PLCH1: variants seen among roughly 807,000 people sequenced by gnomAD.
The protein encoded by PLCH1 is 1-phosphatidylinositol 4,5-bisphosphate phosphodiesterase eta-1.
A neutral mutation model predicts 126.7 loss-of-function variants in PLCH1; 60 were observed. The ratio of observed to expected loss-of-function variants is 0.47; its 90% CI spans 0.38 to 0.59. The LOEUF is 0.59. PLCH1 is among the 20% of genes least tolerant of loss of function. The pLI is 0.00. For missense variants in PLCH1, 1,723 were observed against 2,040.0 expected (o/e 0.84, Z 2.99); for synonymous variants, 719 against 734.9 (o/e 0.98, Z 0.35).
At chr3:155,548,094 A>G (rs1725625633) in intron 10 of PLCH1, among the ~76,000 whole-genome samples, 1 of 152,188 alleles carries the variant, frequency 6.6e-6, no homozygotes, top group Non-Finnish European at 1.5e-5. Flanking sequence ...TTTTATCAGA[A>G]AATTTACACA....
rs1227159940 is a variant in PLCH1 at position 155,693,471 on chromosome 3, CAAAAAAAAAA to C, written c.79+10665_79+10674del. Among the ~76,000 whole-genome samples the C allele has an allele frequency of 2.9e-4, 3 of 10,354 alleles. 1 individual carries two copies. Among genetic ancestry groups the C allele is most frequent in the East Asian group, 6.9e-3 (1 of 144 alleles). 6.8% of individuals were successfully genotyped at this position (10,354 alleles called of 152,430 possible). ...TGGGCGACAGAGCGAGACTCCGTCTCAAAAAAAAAAAAAAAAAAAAAAAAGAAAGCACAGA... is the reference window on the plus strand; with the variant it reads ...TGGGCGACAGAGCGAGACTCCGTCTCAAAAAAAAAAAAAAGAAAGCACAGA... On this transcript the variant is annotated intron_variant, in intron 2 of 22. Coordinates refer to ENST00000460012, the MANE Select transcript of PLCH1 (RefSeq NM_014996.4).
At position 155,482,390 on chromosome 3, in the gene PLCH1, G is replaced by C. The variant is rs1187825912; in HGVS notation, c.3636C>G (p.Thr1212=). 5 of 1,614,062 alleles carry C rather than the reference G, an allele frequency of 3.1e-6. No individual in the cohort carries two copies. Among genetic ancestry groups the C allele is most frequent in the Non-Finnish European group, 3.4e-6 (4 of 1,179,966 alleles). The change falls in exon 23 of 23, where the codon ACC becomes ACG. Residue 1212 remains threonine, a synonymous_variant. Transcript: ENST00000460012. The stretch of plus-strand genomic sequence containing the variant: ...AGGGACAATGGCCTGACATCACACT[G>C]GTATTATGAAGATGAGAAACAACTG... ...ALTVVSHLHN[T]SVMSGHCPLP... is the part of the protein sequence containing the mutation.
At chr3:155,718,409 T>G (rs1490945780) in intron 1 of PLCH1, among the ~76,000 whole-genome samples, 1 of 152,208 alleles carries the variant, frequency 6.6e-6, no homozygotes, top group Non-Finnish European at 1.5e-5. Flanking sequence ...CATATTGCTA[T>G]AGCAATACTG....
At chr3:155,564,360 G>A (rs1462890691) in intron 8 of PLCH1, among the ~76,000 whole-genome samples, 1 of 152,064 alleles carries the variant, frequency 6.6e-6, no homozygotes. Context: ...GTCAGAGATC[G>A]AGGCCATCCT....
intron 21 of PLCH1, among the ~76,000 whole-genome samples, chr3:155,457,918 C>T (rs1206690380): frequency 6.6e-6 from 1 of 152,194 alleles, no homozygotes; most frequent in Non-Finnish European, 1.5e-5. Context: ...GCTATTACAT[C>T]CAAACTTCTG....
downstream of PLCH1, among the ~76,000 whole-genome samples, chr3:155,476,270 CTG>C (rs1713542490): frequency 6.6e-6 from 1 of 151,702 alleles, no homozygotes; most frequent in Non-Finnish European, 1.5e-5. Flanking sequence ...TATGATAAAA[CTG>C]AGGCTAGAAG....
At chr3:155,706,915 CCA>C (rs1439128548) in intron 1 of PLCH1, among the ~76,000 whole-genome samples, 4 of 152,272 alleles carry the variant, frequency 2.6e-5, no homozygotes, top group Admixed American at 2.0e-4. Context: ...CCAGCATCAG[CCA>C]CAGACATGTG....
intron 6 of PLCH1, among the ~76,000 whole-genome samples, chr3:155,574,348 CCT>C (rs1729649775): frequency 6.6e-6 from 1 of 152,140 alleles, no homozygotes; most frequent in African/African-American, 2.4e-5. Flanking sequence ...GTTTTCAACC[CCT>C]CTTTTCCTCT....
intron 1 of PLCH1, among the ~76,000 whole-genome samples, chr3:155,724,279 T>C (rs1219302039): frequency 6.6e-6 from 1 of 152,224 alleles, no homozygotes; most frequent in Non-Finnish European, 1.5e-5. Flanking sequence ...TTGTTCTAAG[T>C]CCATCTTTTT....
chr3:155,702,580 A>G (rs1746356355), intron 2 of PLCH1, among the ~76,000 whole-genome samples: 1 of 152,014 alleles, frequency 6.6e-6, no homozygotes, highest in African/African-American at 2.4e-5. Flanking sequence ...TAATAAACTA[A>G]TTGGTAATAC....
At chr3:155,587,122 T>TTAGA (rs1479546530) in intron 4 of PLCH1, among the ~76,000 whole-genome samples, 1 of 152,200 alleles carries the variant, frequency 6.6e-6, no homozygotes, top group African/African-American at 2.4e-5. Context: ...ATTCACAAGG[T>TTAGA]TAGAGTTCTT....
At chr3:155,713,750 C>A (rs1016551376) in intron 1 of PLCH1, among the ~76,000 whole-genome samples, 1 of 152,160 alleles carries the variant, frequency 6.6e-6, no homozygotes, top group African/African-American at 2.4e-5. Flanking sequence ...TCTTCACAAC[C>A]CTGTGCTTCA....
chr3:155,483,398 GA>G, intron 22 of PLCH1: 1 of 1,531,826 alleles, frequency 6.5e-7, no homozygotes, highest in Non-Finnish European at 8.8e-7. Context: ...CATGGCAATA[GA>G]AACAGAACAA....
chr3:155,578,186 T>A (rs1161165731), intron 6 of PLCH1, among the ~76,000 whole-genome samples: 1 of 152,208 alleles, frequency 6.6e-6, no homozygotes, highest in Non-Finnish European at 1.5e-5. Flanking sequence ...AAAGGATGTA[T>A]CCTCTAAGGG....
chr3:155,703,833 A>G (rs1178669714), intron 2 of PLCH1, among the ~76,000 whole-genome samples: 1 of 152,182 alleles, frequency 6.6e-6, no homozygotes, highest in Admixed American at 6.5e-5. Context: ...CCCTCACCCA[A>G]AATAATTACA....
intron 2 of PLCH1, among the ~76,000 whole-genome samples, chr3:155,648,859 G>A (rs1559893092): frequency 6.6e-6 from 1 of 152,340 alleles, no homozygotes; most frequent in East Asian, 1.9e-4. Context: ...GCAACCATCA[G>A]CCAGGGAAAA....
intron 21 of PLCH1, among the ~76,000 whole-genome samples, chr3:155,468,611 T>C (rs1713020822): frequency 6.6e-6 from 1 of 152,004 alleles, no homozygotes; most frequent in South Asian, 2.1e-4. Flanking sequence ...TCAGACAAAA[T>C]AGATTTCAAG....
At chr3:155,531,442 T>C (rs1429097999) in intron 10 of PLCH1, among the ~76,000 whole-genome samples, 1 of 152,146 alleles carries the variant, frequency 6.6e-6, no homozygotes, top group Non-Finnish European at 1.5e-5. Flanking sequence ...CTGGCCAACA[T>C]GATGAAACCC....
chr3:155,540,019 T>C (rs1446325374), intron 10 of PLCH1, among the ~76,000 whole-genome samples: 2 of 56,002 alleles, frequency 3.6e-5, no homozygotes, highest in Non-Finnish European at 1.1e-4. Context: ...CAAAACAGCA[T>C]GGTACTGGTA....
Sources: gnomAD v4.1 joint callset for allele counts (sites outside exome capture counted in the v4.1 genomes callset) on GRCh38, gnomAD v4.1.1 for gene constraint, MANE v1.5 for transcripts, NCBI Gene and HGNC (gene_info 2026-07-23, HGNC 2026-07-21) for gene names.